CACNA1S: variants seen among roughly 807,000 people sequenced by gnomAD.
CACNA1S encodes voltage-dependent L-type calcium channel subunit alpha-1S.
In CACNA1S, 126 loss-of-function variants were observed where a neutral mutation model predicts 207.4. The observed-to-expected ratio is 0.61, with a 90% CI of 0.53 to 0.70. CACNA1S has a LOEUF of 0.70. Ranked by LOEUF, CACNA1S falls within the 30% of genes least tolerant of loss-of-function variation. The pLI is 0.00. For synonymous variants in CACNA1S, 960 were observed against 932.7 expected (o/e 1.03, Z -0.53); for missense variants, 2,349 against 2,422.8 (o/e 0.97, Z 0.64).
In CACNA1S at chr1:201,089,282, C is replaced by T. The variant is rs770021449; in HGVS notation, c.876G>A (p.Glu292=). The T allele has an allele frequency of 1.2e-6, 2 of 1,614,262 alleles. No individual in the cohort carries two copies. Among genetic ancestry groups the T allele is most frequent in the Admixed American group, 3.3e-5 (2 of 60,030 alleles). The change falls in exon 6 of 44, where the codon GAG becomes GAA. Residue 292 remains glutamate (E), a synonymous_variant. Transcript: ENST00000362061. ...CCCAGTAAAGGACGTCAGTCCATCC[C>T]TCCATGGTAATGCACTGGTACACGG... ...MLTVYQCITM[E]GWTDVLYWVN... is the part of the protein sequence containing the mutation.
intron 27 of CACNA1S, 96 bp from the exon 28 acceptor site, chr1:201,058,587 G>C: frequency 1.0e-6 from 1 of 990,926 alleles, no homozygotes; most frequent in Non-Finnish European, 1.6e-6. Flanking sequence ...GAGCTAATGC[G>C]GAGCTGCGGG....
intron 2 of CACNA1S, among the ~76,000 whole-genome samples, chr1:201,105,848 A>T (rs1384767910): frequency 1.3e-5 from 2 of 152,090 alleles, no homozygotes; most frequent in African/African-American, 4.8e-5. Flanking sequence ...ATTCCCACAG[A>T]CAGCAGTCAC....
chr1:201,050,540 C>T (rs1385704134), intron 33 of CACNA1S, 24 bp from the exon 34 acceptor site: 1 of 1,613,636 alleles, frequency 6.2e-7, no homozygotes, highest in South Asian at 1.1e-5. Context: ...ACCAAGGGGT[C>T]CCAACACAGA....
chr1:201,078,125 C>A (rs766745924), intron 10 of CACNA1S, 21 bp from the exon 11 acceptor site: 5 of 1,573,310 alleles, frequency 3.2e-6, no homozygotes, highest in Non-Finnish European at 4.4e-6. Flanking sequence ...GGTGGCACAG[C>A]CCCGGCATCA....
chr1:201,092,233 C>CTA, intron 3 of CACNA1S, 119 bp from the exon 4 acceptor site: 1 of 992,776 alleles, frequency 1.0e-6, no homozygotes, highest in East Asian at 2.4e-5. Context: ...AGGGGAGAGA[C>CTA]GGCAAATACG....
At chr1:201,093,731 G>C (rs1662318381) in intron 3 of CACNA1S, 151 bp downstream of exon 3, 9 of 933,706 alleles carry the variant, frequency 9.6e-6, no homozygotes, top group South Asian at 1.4e-5. Flanking sequence ...CAGCTCCCTT[G>C]CTGGGCCGGC....
At chr1:201,108,904 C>G (rs1662996915) in intron 2 of CACNA1S, among the ~76,000 whole-genome samples, 1 of 152,168 alleles carries the variant, frequency 6.6e-6, no homozygotes, top group Admixed American at 6.5e-5. Context: ...AGGGCTTCCC[C>G]TAGAAGTCTT....
intron 2 of CACNA1S, among the ~76,000 whole-genome samples, chr1:201,095,470 G>A (rs901676433): frequency 1.3e-5 from 2 of 152,156 alleles, no homozygotes; most frequent in African/African-American, 4.8e-5. Flanking sequence ...AGTAGGTATG[G>A]GAGGCAAGGG....
intron 2 of CACNA1S, among the ~76,000 whole-genome samples, chr1:201,099,015 GA>G (rs1239290740): frequency 6.6e-6 from 1 of 152,118 alleles, no homozygotes; most frequent in Non-Finnish European, 1.5e-5. Flanking sequence ...GTCTTGGGTT[GA>G]AAAAAGCAGG....
chr1:201,044,287 T>C (rs1660396250), intron 39 of CACNA1S, 41 bp downstream of exon 39: 1 of 1,610,552 alleles, frequency 6.2e-7, no homozygotes, highest in African/African-American at 1.3e-5. Flanking sequence ...CTGCCACTCA[T>C]GGTGTCTAGA....
chr1:201,079,608 G>A (rs529587323), intron 10 of CACNA1S, among the ~76,000 whole-genome samples: 4 of 124,704 alleles, frequency 3.2e-5, no homozygotes, highest in Admixed American at 2.2e-4. Flanking sequence ...CGCTTTGACC[G>A]CTCTGGGACC....
At chr1:201,094,124 GC>G in intron 2 of CACNA1S, 103 bp from the exon 3 acceptor site, 1 of 1,418,788 alleles carries the variant, frequency 7.0e-7, no homozygotes, top group Non-Finnish European at 9.9e-7. Context: ...GCTCAGGCAC[GC>G]CCACCTCAGG....
chr1:201,039,879 G>T lies in CACNA1S; in HGVS notation c.5574C>A (p.Leu1858=). The T allele has an allele frequency of 1.9e-6, 3 of 1,611,574 alleles. 1 individual carries two copies. In the South Asian group the frequency reaches 3.3e-5, roughly 18 times the overall value. Reference sequence around the variant, plus strand: ...TCTCCTGGGAGCCCTGGTGTTGGTCGAGGCTGCCCAGGGAGGACCCGAGGT... The same window carrying T: ...TCTCCTGGGAGCCCTGGTGTTGGTCTAGGCTGCCCAGGGAGGACCCGAGGT... The part of the protein sequence containing the change: ...CLNLGSSLGS[L]DQHQGSQETL... Residue 1858 remains leucine, a synonymous_variant, in exon 44 of 44, where the codon CTC becomes CTA. Transcript: ENST00000362061.
chr1:201,100,595 C>T (rs1053068468), intron 2 of CACNA1S, among the ~76,000 whole-genome samples: 5 of 152,182 alleles, frequency 3.3e-5, no homozygotes, highest in African/African-American at 1.2e-4. Context: ...CAGCACTTCC[C>T]TTACCAGGGA....
chr1:201,069,633 C>T, intron 17 of CACNA1S, 32 bp from the exon 18 acceptor site: 1 of 1,550,044 alleles, frequency 6.5e-7, no homozygotes, highest in South Asian at 1.2e-5. Context: ...GGCAGGGGAG[C>T]TGTGAGCTGC....
chr1:201,079,133 C>A (rs10920108), intron 10 of CACNA1S, among the ~76,000 whole-genome samples: 31,303 of 135,600 alleles, frequency 0.23, 5,139 homozygotes, highest in Non-Finnish European at 0.37. Context: ...AAAAAAAAAA[C>A]AAAAAAACCC....
chr1:201,078,233 G>T (rs1661705266), intron 10 of CACNA1S, 129 bp from the exon 11 acceptor site: 2 of 762,888 alleles, frequency 2.6e-6, no homozygotes, highest in South Asian at 1.4e-5. Flanking sequence ...GATGTTTTTT[G>T]GGGGTGCAGG....
Position 201,054,507 on chromosome 1 carries a change from C to T in CACNA1S, c.3664G>A (p.Val1222Ile), listed in dbSNP as rs202240111. 3.0e-5 allele frequency: 49 copies of T among 1,613,738 alleles called. 1 individual carries two copies. In the East Asian group the frequency reaches 6.7e-4, roughly 22 times the overall value. Residue 1222 changes from valine (V) to isoleucine (I), a missense_variant and splice_region_variant, in exon 29 of 44, where the codon GTT (valine) becomes ATT (isoleucine). Transcript: ENST00000362061. ...AGGCTCGTGCAGCCTGAAATTACAA[C>T]GTTCCCGCAGCCTCCACCCAGGCAA... is the stretch of plus-strand genomic sequence containing the variant. ...LYCLGGGCGN[V>I]DPDESARISS...
intron 2 of CACNA1S, among the ~76,000 whole-genome samples, chr1:201,106,724 G>A (rs1365542754): frequency 5.3e-5 from 8 of 152,036 alleles, no homozygotes; most frequent in African/African-American, 1.7e-4. Flanking sequence ...CCCACAGCCC[G>A]ACATCCTGTG....
Sources: gnomAD v4.1 joint callset for allele counts (sites outside exome capture counted in the v4.1 genomes callset) on GRCh38, gnomAD v4.1.1 for gene constraint, MANE v1.5 for transcripts, NCBI Gene and HGNC (gene_info 2026-07-23, HGNC 2026-07-21) for gene names.